Variants in DSG2 observed in about 807,000 individuals in gnomAD.
DSG2 encodes the protein desmoglein-2.
In DSG2, 45 loss-of-function variants were observed where a neutral mutation model predicts 75.6. The observed-to-expected ratio is 0.60, with a 90% CI of 0.47 to 0.76. The LOEUF (loss-of-function observed/expected upper bound fraction) is 0.76. Among genes scored for constraint, DSG2 ranks in the 30% least tolerant of loss-of-function variants. DSG2 has a pLI of 0.00. For synonymous variants in DSG2, 429 were observed against 483.9 expected (o/e 0.89, Z 1.49); for missense variants, 1,267 against 1,357.4 (o/e 0.93, Z 1.05).
At chr18:31,508,628 A>G (rs1198188225) in intron 1 of DSG2, among the ~76,000 whole-genome samples, 1 of 152,112 alleles carries the variant, frequency 6.6e-6, no homozygotes, top group Non-Finnish European at 1.5e-5. Context: ...TCCTGACCAC[A>G]GGTGATCTGC....
intron 1 of DSG2, among the ~76,000 whole-genome samples, chr18:31,501,948 A>G (rs1230738680): frequency 6.6e-6 from 1 of 152,226 alleles, no homozygotes; most frequent in East Asian, 1.9e-4. Context: ...AATAATATAT[A>G]TTAAAGAATA....
At chr18:31,527,628 C>G (rs572464993) in intron 8 of DSG2, among the ~76,000 whole-genome samples, 1 of 152,172 alleles carries the variant, frequency 6.6e-6, no homozygotes, top group Non-Finnish European at 1.5e-5. Flanking sequence ...CAAATACCCA[C>G]GTGAAAAGGT....
At chr18:31,533,907 A>G (rs1012638663) in intron 9 of DSG2, among the ~76,000 whole-genome samples, 4 of 152,020 alleles carry the variant, frequency 2.6e-5, no homozygotes, top group Non-Finnish European at 5.9e-5. Flanking sequence ...GCAAACCAAG[A>G]TACTCATATG....
chr18:31,509,089 AG>A (rs565570804), intron 1 of DSG2, among the ~76,000 whole-genome samples: 2 of 152,254 alleles, frequency 1.3e-5, no homozygotes, highest in Non-Finnish European at 2.9e-5. Context: ...CCCTATGTCA[AG>A]GGAAAAAATA....
At chr18:31,539,119 C>G in intron 12 of DSG2, 141 bp downstream of exon 12, 1 of 812,188 alleles carries the variant, frequency 1.2e-6, no homozygotes, top group Non-Finnish European at 2.1e-6. Context: ...AGGGAAACAA[C>G]TGATGATTGG....
Position 31,536,449 on chromosome 18 carries a change from T to A in DSG2, c.1651+20T>A. 1 of 1,594,688 alleles carries A rather than the reference T, an allele frequency of 6.3e-7. No individual in the cohort carries two copies. The highest frequency in any genetic ancestry group is 8.6e-7 in the Non-Finnish European group (1 of 1,166,638). ...AAGAAAGTAAGCAAAATCACTGGAC[T>A]ACATAGAAATCTAAATATTAAGCAT... On this transcript the variant is annotated intron_variant, in intron 11 of 14. Coordinates refer to ENST00000261590, the MANE Select transcript of DSG2 (RefSeq NM_001943.5).
rs780279875 is a variant in DSG2 at position 31,524,816 on chromosome 18, A to G, written c.942A>G (p.Ser314=). 6 of 1,614,198 alleles carry G rather than the reference A, an allele frequency of 3.7e-6. No homozygotes were observed. The Admixed American group carries it at 8.3e-5, about 22-fold the overall frequency. Reference sequence around the variant, plus strand: ...GGCTGGCAAATTTTACATTTGCATCAGGAAATGAAGGAGGTTATTTCCACA... The same window carrying G: ...GGCTGGCAAATTTTACATTTGCATCGGGAAATGAAGGAGGTTATTTCCACA... ...DNWLANFTFA[S]GNEGGYFHIE... Residue 314 remains serine, a synonymous_variant, in exon 8 of 15, where the codon TCA becomes TCG. Coordinates refer to ENST00000261590, the MANE Select transcript of DSG2 (RefSeq NM_001943.5).
At chr18:31,504,138 C>A (rs1198139420) in intron 1 of DSG2, among the ~76,000 whole-genome samples, 1 of 152,274 alleles carries the variant, frequency 6.6e-6, no homozygotes, top group Middle Eastern at 3.4e-3. Context: ...CCAGGTCTCA[C>A]CTCGAAATCA....
In DSG2 at chr18:31,520,984, AT is replaced by A; in HGVS notation, c.378+23del. 6.2e-7 allele frequency: 1 copy of A among 1,611,880 alleles called. No homozygotes were observed. The highest frequency in any genetic ancestry group is 1.3e-5 in the African/African-American group (1 of 74,978). ...TTTCTGGTAAGAAGAATAATTTTAG[AT>A]TTATTAGTTTGTAGTTTTTCTGTCA... On this transcript the variant is annotated intron_variant, in intron 4 of 14. Transcript: ENST00000261590.
At chr18:31,536,512 A>G (rs943143131) in intron 11 of DSG2, 83 bp downstream of exon 11, 5 of 1,364,656 alleles carry the variant, frequency 3.7e-6, no homozygotes, top group African/African-American at 2.9e-5. Context: ...TTCTTCTCAT[A>G]AATTATATTT....
rs892120885 is a variant in DSG2 at position 31,499,946 on chromosome 18, G to A, written c.45+1650G>A. Among the ~76,000 whole-genome samples, 4 of 148,872 alleles carry A rather than the reference G, an allele frequency of 2.7e-5. No individual in the cohort carries two copies. The Admixed American group carries it at 2.7e-4, about 10-fold the overall frequency. ...TGTATTTTCTATAAAACTTTCTGCA[G>A]TATAAATTTGAATATGTTTATTTTT... On this transcript the variant is annotated intron_variant, in intron 1 of 14. Coordinates refer to ENST00000261590, the MANE Select transcript of DSG2 (RefSeq NM_001943.5).
intron 1 of DSG2, among the ~76,000 whole-genome samples, chr18:31,516,710 T>C (rs2073096386): frequency 6.6e-6 from 1 of 152,226 alleles, no homozygotes; most frequent in South Asian, 2.1e-4. Context: ...TCAGCCACTG[T>C]GGCCTCCTCT....
At position 31,524,821 on chromosome 18, in the gene DSG2, A is replaced by G. The variant is rs2073153332; in HGVS notation, c.947A>G (p.Asn316Ser). ...WLANFTFASG[N>S]EGGYFHIETD... ...GCAAATTTTACATTTGCATCAGGAAATGAAGGAGGTTATTTCCACATAGAA... is the reference window on the plus strand; with the variant it reads ...GCAAATTTTACATTTGCATCAGGAAGTGAAGGAGGTTATTTCCACATAGAA... Residue 316 changes from asparagine to serine, a missense_variant, in exon 8 of 15, where the codon AAT (asparagine) becomes AGT (serine). By Grantham distance (46) the Asn-to-Ser change is conservative. Transcript: ENST00000261590. 6.2e-7 allele frequency: 1 copy of G among 1,614,216 alleles called. No homozygotes were observed. Among genetic ancestry groups the G allele is most frequent in the South Asian group, 1.1e-5 (1 of 91,082 alleles).
rs766760971 is a variant in DSG2 at position 31,530,991 on chromosome 18, T to C, written c.1019T>C (p.Val340Ala). The C allele has an allele frequency of 6.2e-7, 1 of 1,614,006 alleles. No individual in the cohort carries two copies. Among genetic ancestry groups the C allele is most frequent in the Non-Finnish European group, 8.5e-7 (1 of 1,179,984 alleles). ...NEGIVTLIKE[V>A]DYEEMKNLDF... ...CCCTTTGGTTTTCCCTTTCAGGAAG[T>C]AGATTATGAAGAAATGAAGAATCTT... Residue 340 changes from valine (V) to alanine (A), a missense_variant, in exon 9 of 15, where the codon GTA (valine) becomes GCA (alanine). Val to Ala is a moderately conservative substitution (Grantham distance 64, BLOSUM62 0). Transcript: ENST00000261590.
chr18:31,541,113 C>G (rs2073263968), intron 12 of DSG2, 80 bp from the exon 13 acceptor site: 2 of 1,589,560 alleles, frequency 1.3e-6, no homozygotes, highest in Admixed American at 3.3e-5. Context: ...AAGGGACATG[C>G]AAATTCCAAA....
chr18:31,538,590 T>C (rs1367523556), intron 11 of DSG2, among the ~76,000 whole-genome samples, 161 bp from the exon 12 acceptor site: 1 of 152,208 alleles, frequency 6.6e-6, no homozygotes, highest in Non-Finnish European at 1.5e-5. Flanking sequence ...TCAGGGCCTA[T>C]AGACAAATTT....
At chr18:31,535,447 T>A in intron 10 of DSG2, 35 bp downstream of exon 10, 2 of 1,517,334 alleles carry the variant, frequency 1.3e-6, no homozygotes, top group Non-Finnish European at 1.8e-6. Context: ...CTTGATTATA[T>A]GTATTTAGAT....
Position 31,546,641 on chromosome 18 carries a change from G to A in DSG2, c.3255G>A (p.Leu1085=), listed in dbSNP as rs2073313700. Residue 1085 remains leucine, a synonymous_variant, in exon 15 of 15, where the codon CTG becomes CTA. Transcript: ENST00000261590. The stretch of plus-strand genomic sequence containing the variant: ...CTGGAGCTGGAGTCCCTGGCCCTCT[G>A]CCAGATTTTGGTTTAGAGGAATCTG... ...TVSGAGVPGP[L]PDFGLEESGH... is the part of the protein sequence containing the mutation. The A allele has an allele frequency of 6.2e-7, 1 of 1,614,174 alleles. No homozygotes were observed. Among genetic ancestry groups the A allele is most frequent in the Non-Finnish European group, 8.5e-7 (1 of 1,180,030 alleles).
In DSG2 at chr18:31,546,965, T is replaced by C. The variant is rs2073317251; in HGVS notation, c.*222T>C. 1 of 618,630 alleles carries C rather than the reference T, an allele frequency of 1.6e-6. No homozygotes were observed. The allele number at this position is 618,630 out of a possible 1,614,324, so 38.3% of individuals were successfully genotyped here. A position where few individuals can be genotyped will look rare whatever the true frequency, so the allele number is the denominator to read the frequency against. ...TTTACTGAAGACATAGAGATGATGCTGCTGCTTAGGTGCCTTTTAGCAAGC... is the reference window on the plus strand; with the variant it reads ...TTTACTGAAGACATAGAGATGATGCCGCTGCTTAGGTGCCTTTTAGCAAGC... On this transcript the variant is annotated 3_prime_UTR_variant, in exon 15 of 15. Transcript: ENST00000261590.
Sources: allele counts gnomAD v4.1 joint callset (sites outside exome capture counted in the v4.1 genomes callset), GRCh38; gene constraint gnomAD v4.1.1; transcripts MANE v1.5; gene names NCBI Gene and HGNC (gene_info 2026-07-23, HGNC 2026-07-21).